The following KIF4A variants were observed in gnomAD, a reference collection of about 807,000 sequenced individuals.
The protein encoded by KIF4A is kinesin family member 4A, also known as chromosome-associated kinesin KIF4A.
A neutral mutation model predicts 105.9 loss-of-function variants in KIF4A; 7 were observed. That is an observed-to-expected ratio of 0.07 (90% CI 0.04 to 0.12). The LOEUF (loss-of-function observed/expected upper bound fraction) is 0.12, where lower values mean the gene tolerates loss of function less well. KIF4A is among the 10% of genes least tolerant of loss of function. The pLI, the probability that KIF4A is intolerant of heterozygous loss-of-function variation, is 1.00. For synonymous variants in KIF4A, 281 were observed against 331.3 expected, an observed-to-expected ratio of 0.85 and a Z score of 1.65; for missense variants, 558 against 929.2, an observed-to-expected ratio of 0.60 and a Z score of 5.19.
intron 28 of KIF4A, among the ~76,000 whole-genome samples, chrX:70,413,642 A>AG (rs1376125820): frequency 9.4e-6 from 1 of 106,396 alleles, no homozygotes; most frequent in Non-Finnish European, 1.9e-5. Context: ...AAAAAAAAAA[A>AG]AAAGAGTGCT....
chrX:70,308,057 T>A (rs2085834321), intron 7 of KIF4A, among the ~76,000 whole-genome samples: 1 of 112,111 alleles, frequency 8.9e-6, no homozygotes, highest in South Asian at 3.7e-4. Flanking sequence ...GATGCAAAAT[T>A]TATGGCTTTT....
rs756293225 is a variant in KIF4A at position 70,386,687 on chromosome X, C to T, written c.2104C>T (p.Arg702Cys). 2.5e-6 allele frequency: 3 copies of T among 1,200,340 alleles called. No individual in the cohort carries two copies. The highest frequency in any genetic ancestry group is 2.3e-4 in the Middle Eastern group (1 of 4,320). Reference sequence around the variant, plus strand: ...CCAGAAACAATCCAATGTGCTCAGACGTAAAACGGAGGAGGTAAGAAAATT... The same window carrying T: ...CCAGAAACAATCCAATGTGCTCAGATGTAAAACGGAGGAGGTAAGAAAATT... ...NFQKQSNVLR[R>C]KTEEAAAANK... The change falls in exon 19 of 31, where the codon CGT becomes TGT. Residue 702 changes from arginine (R) to cysteine (C), a missense_variant. Physicochemically the swap from Arg to Cys is radical, Grantham distance 180. Around this residue, in one of 2 missense-constraint regions of KIF4A, gnomAD observed 469 missense variants for 680.4 expected, o/e 0.69. Transcript: ENST00000374403.
chrX:70,350,250 C>T (rs1424038074), intron 13 of KIF4A, among the ~76,000 whole-genome samples: 6 of 110,988 alleles, frequency 5.4e-5, no homozygotes, highest in African/African-American at 1.3e-4. Flanking sequence ...CTCGGGAGGC[C>T]GAGGCGGGCA....
At chrX:70,418,487 A>C (rs1332695735) in intron 29 of KIF4A, among the ~76,000 whole-genome samples, 1 of 111,446 alleles carries the variant, frequency 9.0e-6, no homozygotes, top group Non-Finnish European at 1.9e-5. Context: ...TGGCTCTAGA[A>C]AAAGACCCAC....
chrX:70,381,573 T>C (rs191353253), intron 18 of KIF4A, among the ~76,000 whole-genome samples: 87 of 112,000 alleles, frequency 7.8e-4, no homozygotes, highest in African/African-American at 2.6e-3. Context: ...ATTCCATTAA[T>C]AATAGGATCA....
Position 70,290,582 on chromosome X carries a change from C to T in KIF4A, c.120+4C>T. The T allele has an allele frequency of 3.3e-6, 4 of 1,210,668 alleles. No homozygotes were observed. The highest frequency in any genetic ancestry group is 4.5e-6 in the Non-Finnish European group (4 of 894,983). ...CTTCGTGCCCGGAGAGCCTCAGGTGCGTAGCAGAGTCCAGAGCCTGTGTCT... is the reference window on the plus strand; with the variant it reads ...CTTCGTGCCCGGAGAGCCTCAGGTGTGTAGCAGAGTCCAGAGCCTGTGTCT... On this transcript the variant is annotated splice_donor_region_variant and intron_variant, in intron 2 of 30. Coordinates refer to ENST00000374403, the MANE Select transcript of KIF4A (RefSeq NM_012310.5).
chrX:70,295,076 AG>A (rs2085776278), intron 3 of KIF4A, among the ~76,000 whole-genome samples: 2 of 112,298 alleles, frequency 1.8e-5, no homozygotes, highest in South Asian at 7.4e-4. Flanking sequence ...AAAACCGGGG[AG>A]GGGGAGTGCT....
chrX:70,388,622 A>G (rs1455589744), intron 20 of KIF4A, among the ~76,000 whole-genome samples: 1 of 111,698 alleles, frequency 9.0e-6, no homozygotes, highest in African/African-American at 3.3e-5. Flanking sequence ...TTGTGGTTCT[A>G]ATTTTCTTTT....
chrX:70,317,774 G>T (rs758981728), intron 7 of KIF4A, among the ~76,000 whole-genome samples: 18 of 110,585 alleles, frequency 1.6e-4, no homozygotes, highest in African/African-American at 5.2e-4. Flanking sequence ...TAATTCCTGG[G>T]CTCAAGCAGT....
chrX:70,364,262 A>C (rs2086090832), intron 15 of KIF4A, among the ~76,000 whole-genome samples: 1 of 110,939 alleles, frequency 9.0e-6, no homozygotes, highest in Non-Finnish European at 1.9e-5. Context: ...CCATTTGTCA[A>C]TTTTGTCTTT....
At chrX:70,308,163 C>T (rs928535616) in intron 7 of KIF4A, among the ~76,000 whole-genome samples, 4 of 112,078 alleles carry the variant, frequency 3.6e-5, no homozygotes, top group Admixed American at 2.8e-4. Flanking sequence ...CACTCCCTCC[C>T]GTGGATACCT....
intron 15 of KIF4A, among the ~76,000 whole-genome samples, chrX:70,371,634 G>A (rs1193474514): frequency 1.6e-4 from 17 of 105,474 alleles, no homozygotes; most frequent in African/African-American, 6.0e-4. Flanking sequence ...CCCGGATGGG[G>A]CGGCTGGCCA....
At chrX:70,407,934 G>C (rs2086307008) in intron 28 of KIF4A, among the ~76,000 whole-genome samples, 1 of 110,855 alleles carries the variant, frequency 9.0e-6, no homozygotes, top group Non-Finnish European at 1.9e-5. Context: ...GGGCCTGATG[G>C]CGCATGCCTG....
intron 15 of KIF4A, chrX:70,362,420 T>C (rs768499718): frequency 6.1e-6 from 1 of 164,769 alleles, no homozygotes; most frequent in Admixed American, 6.8e-5. Flanking sequence ...TATTCCTAAC[T>C]CTACAAAGGG....
At chrX:70,412,610 G>A (rs868556185) in intron 28 of KIF4A, among the ~76,000 whole-genome samples, 10 of 111,467 alleles carry the variant, frequency 9.0e-5, no homozygotes, top group South Asian at 3.8e-4. Context: ...AATGTCTAGC[G>A]TTGGCAAGGG....
intron 15 of KIF4A, among the ~76,000 whole-genome samples, chrX:70,360,773 A>G (rs2086072064): frequency 8.9e-6 from 1 of 112,954 alleles, no homozygotes; most frequent in Non-Finnish European, 1.9e-5. Context: ...ACCAACAGGC[A>G]GGAAAGGGCA....
chrX:70,389,561 C>T (rs1294437477), intron 20 of KIF4A, among the ~76,000 whole-genome samples: 2 of 112,431 alleles, frequency 1.8e-5, no homozygotes, highest in African/African-American at 3.2e-5. Context: ...AGCGAGGCTT[C>T]GTCTCAAAAA....
chrX:70,321,684 A>C (rs1344744557), intron 7 of KIF4A, among the ~76,000 whole-genome samples: 2 of 111,070 alleles, frequency 1.8e-5, no homozygotes, highest in African/African-American at 6.5e-5. Flanking sequence ...GCATACTAAT[A>C]TTTCCCCAAC....
chrX:70,304,750 C>T (rs1305095426), intron 7 of KIF4A, among the ~76,000 whole-genome samples: 1 of 102,546 alleles, frequency 9.8e-6, no homozygotes, highest in African/African-American at 3.5e-5. Context: ...CCTCCACCTT[C>T]CAGGTTCAGG....
Sources: allele counts gnomAD v4.1 joint callset (sites outside exome capture counted in the v4.1 genomes callset), GRCh38; gene constraint gnomAD v4.1.1; regional missense constraint gnomAD v4.1.1; transcripts MANE v1.5; gene names NCBI Gene and HGNC (gene_info 2026-07-23, HGNC 2026-07-21).